Variants in EYA3 observed in about 807,000 individuals in gnomAD.
EYA3 encodes EYA transcriptional coactivator and phosphatase 3, also known as protein phosphatase EYA3.
A neutral mutation model predicts 80.0 loss-of-function variants in EYA3; 39 were observed. The ratio of observed to expected loss-of-function variants is 0.49; its 90% CI spans 0.38 to 0.64. EYA3 has a LOEUF of 0.64. Ranked by LOEUF, EYA3 falls within the 30% of genes least tolerant of loss-of-function variation. The pLI, the probability that EYA3 is intolerant of heterozygous loss-of-function variation, is 0.00. For missense variants in EYA3, 523 were observed against 676.1 expected (o/e 0.77, Z 2.51); for synonymous variants, 206 against 232.8 (o/e 0.88, Z 1.05).
intron 1 of EYA3, among the ~76,000 whole-genome samples, chr1:28,074,210 C>T (rs1404913953): frequency 6.6e-6 from 1 of 152,044 alleles, no homozygotes; most frequent in African/African-American, 2.4e-5. Context: ...ATGTGACTAC[C>T]TTCAGATACC....
intron 1 of EYA3, among the ~76,000 whole-genome samples, chr1:28,072,852 G>A (rs942616389): frequency 1.3e-5 from 2 of 151,610 alleles, no homozygotes; most frequent in African/African-American, 2.4e-5. Context: ...ACTGGCACAT[G>A]AATAAACAAA....
intron 1 of EYA3, among the ~76,000 whole-genome samples, chr1:28,086,951 A>C (rs2148970028): frequency 6.6e-6 from 1 of 152,364 alleles, no homozygotes; most frequent in Non-Finnish European, 1.5e-5. Flanking sequence ...ATTTTGGAAT[A>C]AGCCAAGGAC....
intron 1 of EYA3, among the ~76,000 whole-genome samples, chr1:28,073,351 G>A (rs1323207099): frequency 6.9e-6 from 1 of 145,486 alleles, no homozygotes; most frequent in Non-Finnish European, 1.5e-5. Flanking sequence ...AGGCAGGAGT[G>A]CAGTGGCGCG....
chr1:28,027,705 T>C, intron 7 of EYA3, 84 bp downstream of exon 7: 1 of 1,547,446 alleles, frequency 6.5e-7, no homozygotes, highest in Non-Finnish European at 8.9e-7. Context: ...ATTATCCAAT[T>C]TGTTTGTTTG....
chr1:27,985,266 A>C (rs1294266583), intron 16 of EYA3, among the ~76,000 whole-genome samples: 1 of 151,936 alleles, frequency 6.6e-6, no homozygotes, highest in Non-Finnish European at 1.5e-5. Flanking sequence ...AAAAAACAAA[A>C]ACAAAAACAA....
At chr1:28,007,495 C>T (rs1424528860) in intron 10 of EYA3, among the ~76,000 whole-genome samples, 1 of 151,834 alleles carries the variant, frequency 6.6e-6, no homozygotes. Context: ...CCACCATGCC[C>T]GTCTAATTTT....
chr1:28,054,156 A>G (rs1160941210), intron 2 of EYA3, among the ~76,000 whole-genome samples: 1 of 152,208 alleles, frequency 6.6e-6, no homozygotes, highest in African/African-American at 2.4e-5. Context: ...TTCACACAAA[A>G]AACAATTTAA....
At chr1:28,039,431 A>T (rs1396227580) in intron 4 of EYA3, among the ~76,000 whole-genome samples, 1 of 152,194 alleles carries the variant, frequency 6.6e-6, no homozygotes, top group East Asian at 1.9e-4. Context: ...CTTCTATACT[A>T]TTATTTTTTC....
intron 6 of EYA3, chr1:28,032,212 T>A (rs748954916): frequency 5.3e-5 from 8 of 152,216 alleles, no homozygotes; most frequent in Non-Finnish European, 1.0e-4. Context: ...ACTAAATTGG[T>A]ATTACAACAT....
intron 2 of EYA3, among the ~76,000 whole-genome samples, chr1:28,049,470 A>G (rs1644158394): frequency 6.6e-6 from 1 of 152,222 alleles, no homozygotes; most frequent in African/African-American, 2.4e-5. Context: ...AGCAAAAACA[A>G]AAAACGAAAC....
At chr1:27,980,234 A>G (rs991115701) in intron 16 of EYA3, among the ~76,000 whole-genome samples, 13 of 152,322 alleles carry the variant, frequency 8.5e-5, no homozygotes, top group Admixed American at 2.6e-4. Flanking sequence ...AAACCATTCA[A>G]CTAATAATAA....
chr1:28,054,675 A>G (rs541857247), intron 2 of EYA3, among the ~76,000 whole-genome samples: 1 of 152,300 alleles, frequency 6.6e-6, no homozygotes, highest in East Asian at 1.9e-4. Context: ...CCTGGGTAAC[A>G]GGGCAAAACC....
intron 11 of EYA3, among the ~76,000 whole-genome samples, chr1:28,002,581 C>T (rs1640943861): frequency 6.6e-6 from 1 of 151,904 alleles, no homozygotes; most frequent in Non-Finnish European, 1.5e-5. Flanking sequence ...GAGACTGAGG[C>T]AGGAGAATCA....
chr1:27,976,872 C>A, intron 17 of EYA3: 2 of 254,202 alleles, frequency 7.9e-6, no homozygotes, highest in Non-Finnish European at 1.2e-5. Flanking sequence ...AGTGCACCAC[C>A]ATGCCCGGCT....
At chr1:27,981,599 G>A (rs1352741374) in intron 16 of EYA3, among the ~76,000 whole-genome samples, 1 of 151,978 alleles carries the variant, frequency 6.6e-6, no homozygotes, top group Admixed American at 6.6e-5. Context: ...TGACAACAAA[G>A]TGAGACCCCA....
At chr1:27,974,587 T>C in intron 17 of EYA3, 41 bp from the exon 18 acceptor site, 1 of 1,534,422 alleles carries the variant, frequency 6.5e-7, no homozygotes, top group Non-Finnish European at 9.0e-7. Context: ...CAACTTCTTC[T>C]GAGAGCTTAT....
At position 28,017,231 on chromosome 1, in the gene EYA3, T is replaced by C; in HGVS notation, c.508A>G (p.Thr170Ala). ...HYSYPIQASS[T>A]NASLISTSST... Reference sequence around the variant, plus strand: ...GAAGTAGATATCAGGCTGGCATTTGTGCTTGAAGCTAGAGGATTGATGGGG... The same window carrying C: ...GAAGTAGATATCAGGCTGGCATTTGCGCTTGAAGCTAGAGGATTGATGGGG... The change falls in exon 8 of 18, where the codon ACA (threonine) becomes GCA (alanine). Residue 170 changes from threonine (T) to alanine (A), a missense_variant. Thr to Ala is a moderately conservative substitution (Grantham distance 58, BLOSUM62 0). Coordinates refer to ENST00000373871, the MANE Select transcript of EYA3 (RefSeq NM_001990.4). 13 of 1,613,520 alleles carry C rather than the reference T, an allele frequency of 8.1e-6. No homozygotes were observed. Among genetic ancestry groups the C allele is most frequent in the Non-Finnish European group, 1.1e-5 (13 of 1,179,458 alleles).
At chr1:27,987,151 C>T (rs189425276) in intron 16 of EYA3, among the ~76,000 whole-genome samples, 1 of 152,354 alleles carries the variant, frequency 6.6e-6, no homozygotes, top group African/African-American at 2.4e-5. Flanking sequence ...TATCATTCTA[C>T]TTTCAGTTCT....
At chr1:28,073,103 T>TTCTCTCTATATATATATATATATATATA (rs1447435853) in intron 1 of EYA3, among the ~76,000 whole-genome samples, 1 of 37,760 alleles carries the variant, frequency 2.6e-5, no homozygotes, top group Non-Finnish European at 4.3e-5. Context: ...GATGAAACTA[T>TTCTCTCTATATATATATATATATATATA]TATATATATA....
Sources: gnomAD v4.1 joint callset for allele counts (sites outside exome capture counted in the v4.1 genomes callset) on GRCh38, gnomAD v4.1.1 for gene constraint, MANE v1.5 for transcripts, NCBI Gene and HGNC (gene_info 2026-07-23, HGNC 2026-07-21) for gene names.